Variants in OAS1 observed in about 807,000 individuals in gnomAD.
OAS1 encodes the protein 2'-5'-oligoadenylate synthetase 1.
OAS1 carries 24 observed loss-of-function variants against 38.5 expected under a neutral mutation model. That is an observed-to-expected ratio of 0.62 (90% CI 0.45 to 0.88). The LOEUF (loss-of-function observed/expected upper bound fraction) is 0.88. OAS1 is among the 40% of genes least tolerant of loss of function. The pLI is 0.00. For missense variants in OAS1, 482 were observed against 493.9 expected (o/e 0.98, Z 0.23); for synonymous variants, 169 against 193.9 (o/e 0.87, Z 1.07).
intron 6 of OAS1, among the ~76,000 whole-genome samples, chr12:112,929,749 C>CT (rs1166634976): frequency 6.6e-6 from 1 of 152,024 alleles, no homozygotes; most frequent in Non-Finnish European, 1.5e-5. Context: ...AAGAAGAGTC[C>CT]TTTTTTATGA....
At chr12:112,912,136 A>G (rs1367157602) in intron 3 of OAS1, among the ~76,000 whole-genome samples, 2 of 152,188 alleles carry the variant, frequency 1.3e-5, no homozygotes, top group Non-Finnish European at 2.9e-5. Context: ...CCAGGAGTTC[A>G]AGACTAGCCT....
At chr12:112,931,107 C>G (rs889959773) in intron 6 of OAS1, among the ~76,000 whole-genome samples, 2 of 152,194 alleles carry the variant, frequency 1.3e-5, no homozygotes, top group Non-Finnish European at 2.9e-5. Flanking sequence ...GTCTTCTGTT[C>G]ATGCAGTCTG....
chr12:112,912,137 A>T (rs1217759939), intron 3 of OAS1, among the ~76,000 whole-genome samples: 1 of 152,202 alleles, frequency 6.6e-6, no homozygotes, highest in Non-Finnish European at 1.5e-5. Flanking sequence ...CAGGAGTTCA[A>T]GACTAGCCTG....
rs376612198 is a variant in OAS1, at chr12:112,929,457, C to T, written c.1168-2421C>T. Among the ~76,000 whole-genome samples the T allele has an allele frequency of 7.9e-5, 12 of 152,308 alleles. 1 individual carries two copies. The highest frequency in any genetic ancestry group is 1.9e-4 in the East Asian group (1 of 5,188). ...TATTCTTAACATGACTGAGGAGCCC[C>T]TTTATAAATTCTGCATTTGGGAGTT... is the stretch of plus-strand genomic sequence containing the variant. On this transcript the variant is annotated intron_variant, in intron 6 of 6. Coordinates refer to the OAS1 transcript ENST00000540589.
rs2043483544 is a variant in OAS1, at chr12:112,917,757, A to G, written c.1038+57A>G. The G allele has an allele frequency of 1.9e-6, 3 of 1,614,142 alleles. No homozygotes were observed. In the East Asian group the frequency reaches 6.7e-5, roughly 36 times the overall value. ...TCCCTGCCCCTCTCCATGAAGCTTG[A>G]GACATATAGCTGGAGACCATTCTTT... On this transcript the variant is annotated intron_variant, in intron 5 of 5. Coordinates refer to ENST00000202917, the MANE Select transcript of OAS1 (RefSeq NM_016816.4).
chr12:112,932,058 C>T, exon 7 of OAS1: 1 of 626,438 alleles, frequency 1.6e-6, no homozygotes, highest in Non-Finnish European at 2.8e-6. Flanking sequence ...AATTGCAACC[C>T]AACCTCTCTC....
intron 5 of OAS1, chr12:112,918,078 A>C: frequency 2.4e-6 from 1 of 414,268 alleles, no homozygotes; most frequent in Non-Finnish European, 3.9e-6. Context: ...CAGAGGGCAC[A>C]TGTGCCATTT....
chr12:112,911,610 G>A (rs2043384964), intron 3 of OAS1, among the ~76,000 whole-genome samples: 2 of 152,166 alleles, frequency 1.3e-5, no homozygotes, highest in Non-Finnish European at 1.5e-5. Flanking sequence ...AGGTGGATAA[G>A]TTAAAACAAG....
At chr12:112,923,594 C>T (rs1422533323), downstream of OAS1, among the ~76,000 whole-genome samples, 1 of 152,120 alleles carries the variant, frequency 6.6e-6, no homozygotes, top group Non-Finnish European at 1.5e-5. Context: ...GTAGGAGTTC[C>T]TTACATATTG....
intron 1 of OAS1, among the ~76,000 whole-genome samples, chr12:112,908,103 A>C (rs2043320941): frequency 6.6e-6 from 1 of 152,210 alleles, no homozygotes; most frequent in Non-Finnish European, 1.5e-5. Context: ...TCCAGGGCCC[A>C]GCCTTGACCA....
chr12:112,912,330 A>G (rs767880714), intron 3 of OAS1, among the ~76,000 whole-genome samples: 7 of 152,316 alleles, frequency 4.6e-5, no homozygotes, highest in Non-Finnish European at 1.0e-4. Context: ...ACAGAGCAAG[A>G]TCTTCTCTCA....
chr12:112,917,486 C>A, intron 4 of OAS1, 61 bp from the exon 5 acceptor site: 1 of 1,603,134 alleles, frequency 6.2e-7, no homozygotes, highest in East Asian at 2.2e-5. Flanking sequence ...CCAGGAGCAT[C>A]TGGACTCCCT....
chr12:112,919,202 G>C (rs1443707190), intron 5 of OAS1, 187 bp from the exon 6 acceptor site: 1 of 588,046 alleles, frequency 1.7e-6, no homozygotes, highest in Non-Finnish European at 3.0e-6. Flanking sequence ...CTGCAGCTGA[G>C]GCAACCCCTA....
chr12:112,924,181 C>G (rs2043546117), downstream of OAS1, among the ~76,000 whole-genome samples: 1 of 152,202 alleles, frequency 6.6e-6, no homozygotes, highest in African/African-American at 2.4e-5. Flanking sequence ...CTTAAATATT[C>G]CCAGAGCCCA....
chr12:112,925,671 A>G (rs931044294), intron 6 of OAS1, among the ~76,000 whole-genome samples: 8 of 152,174 alleles, frequency 5.3e-5, no homozygotes, highest in Admixed American at 5.2e-4. Flanking sequence ...CTGTAGTCCC[A>G]GCTACTCAGG....
At chr12:112,911,918 A>G (rs1311871679) in intron 3 of OAS1, among the ~76,000 whole-genome samples, 3 of 152,248 alleles carry the variant, frequency 2.0e-5, no homozygotes, top group Non-Finnish European at 4.4e-5. Flanking sequence ...CAATTTTAAC[A>G]GTGATTCTGT....
chr12:112,932,129 G>T, exon 7 of OAS1: 1 of 520,314 alleles, frequency 1.9e-6, no homozygotes, highest in South Asian at 2.8e-5. Flanking sequence ...GAATACATGT[G>T]AACTCCCTCC....
intron 6 of OAS1, among the ~76,000 whole-genome samples, chr12:112,928,318 G>T (rs555146698): frequency 3.1e-4 from 47 of 152,338 alleles, no homozygotes; most frequent in Middle Eastern, 3.4e-3. Context: ...TGCTCTCTCT[G>T]TTCCTCTGGG....
chr12:112,915,306 G>C (rs2043440738), intron 3 of OAS1, among the ~76,000 whole-genome samples: 2 of 152,142 alleles, frequency 1.3e-5, no homozygotes, highest in African/African-American at 2.4e-5. Context: ...TAAGGGGAGA[G>C]AGAAGGATTC....
Sources: allele counts gnomAD v4.1 joint callset (sites outside exome capture counted in the v4.1 genomes callset), GRCh38; gene constraint gnomAD v4.1.1; transcripts MANE v1.5; gene names NCBI Gene and HGNC (gene_info 2026-07-23, HGNC 2026-07-21).